The following TAFA1 variants were observed in gnomAD, a reference collection of about 807,000 sequenced individuals.
TAFA1 encodes the protein chemokine-like protein TAFA-1.
Under a neutral mutation model 18.5 loss-of-function variants are expected in TAFA1, and 4 were observed. That is an observed-to-expected ratio of 0.22 (90% CI 0.11 to 0.49). The LOEUF is 0.49. TAFA1 is among the 20% of genes least tolerant of loss of function. TAFA1 has a pLI of 0.98. For synonymous variants in TAFA1, 56 were observed against 55.2 expected (o/e 1.01, Z -0.06); for missense variants, 147 against 169.0 (o/e 0.87, Z 0.72).
At chr3:68,303,602 C>T (rs1049628288) in intron 2 of TAFA1, among the ~76,000 whole-genome samples, 2 of 152,074 alleles carry the variant, frequency 1.3e-5, no homozygotes, top group South Asian at 2.1e-4. Flanking sequence ...GCGCCCACCA[C>T]CACGTCCAGC....
At chr3:68,067,290 C>T (rs1199819460) in intron 2 of TAFA1, among the ~76,000 whole-genome samples, 1 of 152,164 alleles carries the variant, frequency 6.6e-6, no homozygotes, top group African/African-American at 2.4e-5. Flanking sequence ...TCTTCTTAAT[C>T]TTCTCCAGGT....
chr3:68,107,952 A>G (rs921087067), intron 2 of TAFA1, among the ~76,000 whole-genome samples: 8 of 152,238 alleles, frequency 5.3e-5, no homozygotes, highest in South Asian at 2.1e-4. Context: ...GTTAAGAACT[A>G]CATTACCTAC....
intron 2 of TAFA1, among the ~76,000 whole-genome samples, chr3:68,105,244 G>T (rs1487130316): frequency 2.0e-5 from 3 of 152,118 alleles, no homozygotes; most frequent in African/African-American, 7.2e-5. Context: ...TTCAACATGA[G>T]ATTTGGAGGG....
At chr3:68,471,725 A>C (rs1414964958) in intron 3 of TAFA1, among the ~76,000 whole-genome samples, 1 of 152,134 alleles carries the variant, frequency 6.6e-6, no homozygotes, top group Non-Finnish European at 1.5e-5. Context: ...ACTGACACAA[A>C]TATTAATCTC....
intron 2 of TAFA1, among the ~76,000 whole-genome samples, chr3:68,305,415 A>G (rs1235228778): frequency 3.1e-3 from 93 of 29,820 alleles, no homozygotes; most frequent in Non-Finnish European, 5.3e-3. Context: ...ATGACTATAT[A>G]TATATATATA....
chr3:68,256,036 A>C (rs760541822), intron 2 of TAFA1, among the ~76,000 whole-genome samples: 1 of 152,132 alleles, frequency 6.6e-6, no homozygotes, highest in Admixed American at 6.6e-5. Context: ...AATAGATACT[A>C]TTTATCAAAG....
chr3:68,404,484 G>A (rs1365544031), intron 2 of TAFA1, among the ~76,000 whole-genome samples: 2 of 152,036 alleles, frequency 1.3e-5, no homozygotes, highest in African/African-American at 4.8e-5. Context: ...GGAGTTGTGG[G>A]CAGTTCTCCT....
intron 2 of TAFA1, among the ~76,000 whole-genome samples, chr3:68,091,814 C>G (rs987235401): frequency 2.0e-5 from 3 of 152,118 alleles, no homozygotes; most frequent in Admixed American, 1.3e-4. Context: ...GGGATCGAGA[C>G]AAGAACTCTA....
At chr3:68,493,009 A>G (rs1379632885) in intron 3 of TAFA1, among the ~76,000 whole-genome samples, 1 of 152,206 alleles carries the variant, frequency 6.6e-6, no homozygotes. Flanking sequence ...CACATACCAT[A>G]GTACTTACCA....
intron 3 of TAFA1, among the ~76,000 whole-genome samples, chr3:68,487,933 C>T (rs537534363): frequency 2.0e-5 from 3 of 151,886 alleles, no homozygotes; most frequent in African/African-American, 7.3e-5. Context: ...AGAAAGAAGC[C>T]GCTACGTGAT....
intron 2 of TAFA1, among the ~76,000 whole-genome samples, chr3:68,164,660 T>TGTGGGG: frequency 6.6e-6 from 1 of 151,260 alleles, no homozygotes; most frequent in East Asian, 1.9e-4. Context: ...TGTGTGTGTG[T>TGTGGGG]GGGAGGTAGT....
intron 2 of TAFA1, among the ~76,000 whole-genome samples, chr3:68,107,079 A>G (rs1263328951): frequency 5.9e-5 from 9 of 152,120 alleles, no homozygotes; most frequent in Admixed American, 5.9e-4. Flanking sequence ...GCTGCAGCCA[A>G]ACATTACCAG....
chr3:68,320,077 C>A (rs2068674702), intron 2 of TAFA1, among the ~76,000 whole-genome samples: 1 of 152,058 alleles, frequency 6.6e-6, no homozygotes, highest in Non-Finnish European at 1.5e-5. Flanking sequence ...TACATTTAAC[C>A]TTATTCACCA....
chr3:68,285,926 G>T (rs967095598), intron 2 of TAFA1, among the ~76,000 whole-genome samples: 4 of 152,114 alleles, frequency 2.6e-5, no homozygotes, highest in South Asian at 2.1e-4. Context: ...AAAAATAGTA[G>T]ACCAGGCCAG....
At chr3:68,512,380 A>T (rs2072861197) in intron 3 of TAFA1, among the ~76,000 whole-genome samples, 1 of 152,192 alleles carries the variant, frequency 6.6e-6, no homozygotes, top group African/African-American at 2.4e-5. Flanking sequence ...ATGTACTTTT[A>T]AAAGAAAATA....
chr3:68,374,251 C>G (rs1413430536), intron 2 of TAFA1, among the ~76,000 whole-genome samples: 1 of 152,126 alleles, frequency 6.6e-6, no homozygotes, highest in Non-Finnish European at 1.5e-5. Flanking sequence ...GTTTCCCACT[C>G]CTGGCCAATC....
At chr3:68,161,985 A>T (rs981856463) in intron 2 of TAFA1, among the ~76,000 whole-genome samples, 14 of 152,198 alleles carry the variant, frequency 9.2e-5, no homozygotes, top group African/African-American at 2.9e-4. Flanking sequence ...CTGCTTTTAC[A>T]CTACAGCAGC....
rs577516452 is a variant in TAFA1, at chr3:68,081,344, C to T, written c.118+74600C>T. Among the ~76,000 whole-genome samples the T allele has an allele frequency of 5.4e-3, 825 of 152,160 alleles. 8 individuals carry two copies. Among genetic ancestry groups the T allele is most frequent in the Non-Finnish European group, 8.9e-3 (605 of 68,012 alleles). ...AGTCATTCTCCATCCAGCTTTGTTC[C>T]GTTGCTGGTGAGGACCTGCGTTCCT... On this transcript the variant is annotated intron_variant, in intron 2 of 4. Transcript: ENST00000478136.
intron 4 of TAFA1, among the ~76,000 whole-genome samples, chr3:68,540,626 A>G (rs1045800881): frequency 1.3e-5 from 2 of 152,288 alleles, no homozygotes; most frequent in Middle Eastern, 3.4e-3. Flanking sequence ...TCTCTATTCT[A>G]AAGAACTGAT....
Sources: allele counts gnomAD v4.1 joint callset (sites outside exome capture counted in the v4.1 genomes callset), GRCh38; gene constraint gnomAD v4.1.1; transcripts MANE v1.5; gene names NCBI Gene and HGNC (gene_info 2026-07-23, HGNC 2026-07-21).